UTP4: variants seen among roughly 807,000 people sequenced by gnomAD.
UTP4 encodes the protein U3 small nucleolar RNA-associated protein 4 homolog.
A neutral mutation model predicts 82.4 loss-of-function variants in UTP4; 45 were observed. That is an observed-to-expected ratio of 0.55 (90% CI 0.43 to 0.70). UTP4 has a LOEUF of 0.70. Among genes scored for constraint, UTP4 ranks in the 30% least tolerant of loss-of-function variants. UTP4 has a pLI of 0.00. For synonymous variants in UTP4, 348 were observed against 300.3 expected (o/e 1.16, Z -1.64); for missense variants, 819 against 858.3 (o/e 0.95, Z 0.57).
At chr16:69,145,805 GTGT>G (rs1490382388) in intron 6 of UTP4, among the ~76,000 whole-genome samples, 1 of 152,122 alleles carries the variant, frequency 6.6e-6, no homozygotes, top group Non-Finnish European at 1.5e-5. Context: ...AGGCAGTGTG[GTGT>G]TCCCAGAGCA....
At chr16:69,147,022 AC>A (rs1286983574) in intron 6 of UTP4, among the ~76,000 whole-genome samples, 20 of 140,334 alleles carry the variant, frequency 1.4e-4, no homozygotes, top group Admixed American at 1.1e-3. Context: ...AAAAAAAAAT[AC>A]AAAAATTAGC....
intron 1 of UTP4, 47 bp from the exon 2 acceptor site, chr16:69,133,411 T>G: frequency 6.4e-7 from 1 of 1,571,820 alleles, no homozygotes; most frequent in Non-Finnish European, 8.8e-7. Context: ...ATATGTGACA[T>G]ACTGCAGTTA....
chr16:69,154,282 G>C (rs1326964059), intron 9 of UTP4, 111 bp from the exon 10 acceptor site: 1 of 836,726 alleles, frequency 1.2e-6, no homozygotes, highest in East Asian at 2.6e-5. Flanking sequence ...GTATTTTTCT[G>C]ATTTCCCACT....
Position 69,166,076 on chromosome 16 carries a change from C to T in UTP4, c.1833+550C>T, listed in dbSNP as rs146475918. On this transcript the variant is annotated intron_variant, in intron 15 of 16. Coordinates refer to ENST00000314423, the MANE Select transcript of UTP4 (RefSeq NM_032830.3). ...TCATGGCTGTGATTTACATGGGATA[C>T]GAGCATTTTCTTCAGTTTTAGATTC... 21 of 181,858 alleles carry T rather than the reference C, an allele frequency of 1.2e-4. No individual in the cohort carries two copies. The East Asian group carries it at 2.1e-3, about 18-fold the overall frequency. 11.3% of individuals were successfully genotyped at this position (181,858 alleles called of 1,614,324 possible).
intron 9 of UTP4, 104 bp from the exon 10 acceptor site, chr16:69,154,289 C>T: frequency 1.1e-6 from 1 of 885,808 alleles, no homozygotes; most frequent in Non-Finnish European, 1.9e-6. Flanking sequence ...TCTGATTTCC[C>T]ACTGATAGAG....
intron 9 of UTP4, 68 bp downstream of exon 9, chr16:69,153,748 T>G: frequency 9.4e-7 from 1 of 1,064,350 alleles, no homozygotes; most frequent in Non-Finnish European, 1.4e-6. Context: ...GAATTGCGGT[T>G]GGAATTCTGC....
chr16:69,133,690 T>A lies in UTP4; in HGVS notation c.159+72T>A, dbSNP rs928425889. The A allele has an allele frequency of 4.0e-6, 6 of 1,502,358 alleles. No homozygotes were observed. In the African/African-American group the frequency reaches 8.3e-5, roughly 21 times the overall value. The allele number at this position is 1,502,358 out of a possible 1,614,324, so 93.1% of individuals were successfully genotyped here. A position where few individuals can be genotyped will look rare whatever the true frequency, so the allele number is the denominator to read the frequency against. On this transcript the variant is annotated intron_variant, in intron 2 of 16. Transcript: ENST00000314423. Reference sequence around the variant, plus strand: ...CTGAAGTTCAAGAAGCTTGTATGTCTTTTATAATCAAACTGATTGAGTGAC... The same window carrying A: ...CTGAAGTTCAAGAAGCTTGTATGTCATTTATAATCAAACTGATTGAGTGAC...
chr16:69,167,531 C>T (rs1307428742), intron 16 of UTP4: 1 of 291,504 alleles, frequency 3.4e-6, no homozygotes, highest in African/African-American at 2.2e-5. Context: ...GGCTTGGTAG[C>T]TCATACCTGT....
Position 69,153,695 on chromosome 16 carries a change from C to G in UTP4, c.1099+15C>G. The G allele has an allele frequency of 6.4e-7, 1 of 1,569,142 alleles. No individual in the cohort carries two copies. The highest frequency in any genetic ancestry group is 8.8e-7 in the Non-Finnish European group (1 of 1,141,068). On this transcript the variant is annotated intron_variant, in intron 9 of 16. Coordinates refer to ENST00000314423, the MANE Select transcript of UTP4 (RefSeq NM_032830.3). ...AGTTGCAACAGGTAAGATGGGAGCA[C>G]GTTTTTTTCAATAAGAAAACTGGAG...
intron 12 of UTP4, among the ~76,000 whole-genome samples, chr16:69,160,015 A>G (rs893236902): frequency 1.3e-5 from 2 of 152,022 alleles, no homozygotes; most frequent in African/African-American, 2.4e-5. Flanking sequence ...CAGAAAAAAA[A>G]CCATTTGGTA....
intron 16 of UTP4, among the ~76,000 whole-genome samples, chr16:69,168,396 A>G (rs1162697694): frequency 7.1e-6 from 1 of 141,244 alleles, no homozygotes; most frequent in East Asian, 2.1e-4. Context: ...AGATTGCGCC[A>G]CTGCACTCCA....
chr16:69,156,257 C>T (rs1451336132), intron 11 of UTP4, among the ~76,000 whole-genome samples: 5 of 149,506 alleles, frequency 3.3e-5, no homozygotes, highest in Admixed American at 6.7e-5. Context: ...TGGGTTCAAG[C>T]GATTCCTGTG....
intron 14 of UTP4, among the ~76,000 whole-genome samples, chr16:69,164,922 G>A (rs960183306): frequency 3.3e-5 from 5 of 152,240 alleles, no homozygotes; most frequent in Middle Eastern, 3.4e-3. Context: ...TGGGCAGGGC[G>A]CGGTGGCTCA....
rs59507471 is a variant in UTP4, at chr16:69,163,771, T to G, written c.1647+593T>G. On this transcript the variant is annotated intron_variant, in intron 14 of 16. Coordinates refer to ENST00000314423, the MANE Select transcript of UTP4 (RefSeq NM_032830.3). ...GTTATCAATAATTCATCTGTAAAAT[T>G]GGAGATGTTAATATCTACCTCACTG... Among the ~76,000 whole-genome samples the G allele has an allele frequency of 9.4e-3, 1,433 of 152,026 alleles. 24 individuals carry two copies. The highest frequency in any genetic ancestry group is 0.033 in the African/African-American group (1,360 of 41,470).
At chr16:69,143,042 G>T in intron 5 of UTP4, 136 bp from the exon 6 acceptor site, 1 of 838,002 alleles carries the variant, frequency 1.2e-6, no homozygotes, top group East Asian at 2.5e-5. Context: ...TTGTTTCGTA[G>T]AGATGAGGTC....
At chr16:69,138,856 G>A (rs1193314802) in intron 4 of UTP4, among the ~76,000 whole-genome samples, 2 of 152,012 alleles carry the variant, frequency 1.3e-5, no homozygotes, top group African/African-American at 2.4e-5. Context: ...CCACAGTTTG[G>A]TGACCCATCT....
At chr16:69,164,934 G>A (rs374190421) in intron 14 of UTP4, among the ~76,000 whole-genome samples, 1 of 152,114 alleles carries the variant, frequency 6.6e-6, no homozygotes, top group African/African-American at 2.4e-5. Flanking sequence ...GGTGGCTCAC[G>A]CCTGTAATCC....
intron 2 of UTP4, 105 bp downstream of exon 2, chr16:69,133,723 C>G: frequency 8.2e-7 from 1 of 1,226,644 alleles, no homozygotes; most frequent in Non-Finnish European, 1.2e-6. Context: ...GACTTCCTAG[C>G]CCCTCTGAAG....
intron 12 of UTP4, 146 bp from the exon 13 acceptor site, chr16:69,160,209 TA>T (rs1370202535): frequency 2.7e-6 from 2 of 752,292 alleles, no homozygotes; most frequent in Non-Finnish European, 4.9e-6. Context: ...CATTAACATC[TA>T]GAAGTAATTT....
Sources: allele counts gnomAD v4.1 joint callset (sites outside exome capture counted in the v4.1 genomes callset), GRCh38; gene constraint gnomAD v4.1.1; transcripts MANE v1.5; gene names NCBI Gene and HGNC (gene_info 2026-07-23, HGNC 2026-07-21).